RASGRP3: variants seen among roughly 807,000 people sequenced by gnomAD.
RASGRP3 encodes the protein RAS guanyl releasing protein 3.
RASGRP3 carries 54 observed loss-of-function variants against 82.7 expected under a neutral mutation model. The observed-to-expected ratio is 0.65, with a 90% CI of 0.52 to 0.82. RASGRP3 has a LOEUF of 0.82. RASGRP3 is among the 40% of genes least tolerant of loss of function. The pLI is 0.00. For synonymous variants in RASGRP3, 309 were observed against 300.5 expected (o/e 1.03, Z -0.29); for missense variants, 861 against 828.9 (o/e 1.04, Z -0.48).
chr2:33,542,037 T>A (rs1008917215), intron 12 of RASGRP3, among the ~76,000 whole-genome samples: 3 of 146,734 alleles, frequency 2.0e-5, no homozygotes, highest in African/African-American at 7.3e-5. Flanking sequence ...TTCTAGGAGT[T>A]TGAGGCTGCA....
rs376563050 is a variant in RASGRP3, at chr2:33,522,099, C to A, written c.513C>A (p.Ile171=). 2.8e-4 allele frequency: 448 copies of A among 1,601,840 alleles called. No individual in the cohort carries two copies. Among genetic ancestry groups the A allele is most frequent in the Non-Finnish European group, 3.7e-4 (431 of 1,176,960 alleles). Residue 171 remains isoleucine (I), a synonymous_variant, in exon 7 of 18, where the codon ATC becomes ATA. Transcript: ENST00000403687. The part of the protein sequence containing the change: ...TFLEHKSFRR[I]SFTDYQSYVI... ...TGGAGCATAAATCTTTTAGAAGGAT[C>A]TCAGTAAGAAACTTGACATTTATTC...
chr2:33,470,642 G>T (rs1176240867), intron 2 of RASGRP3, among the ~76,000 whole-genome samples: 2 of 152,004 alleles, frequency 1.3e-5, no homozygotes, highest in Non-Finnish European at 2.9e-5. Flanking sequence ...GCCTCCCAAA[G>T]TGCTGGGATT....
intron 1 of RASGRP3, among the ~76,000 whole-genome samples, chr2:33,498,889 A>G (rs531885960): frequency 6.6e-6 from 1 of 151,998 alleles, no homozygotes; most frequent in East Asian, 1.9e-4. Context: ...TACCTCCACC[A>G]TGGTGTTAAT....
chr2:33,510,285 A>G (rs1670806436), intron 1 of RASGRP3, among the ~76,000 whole-genome samples: 2 of 147,606 alleles, frequency 1.4e-5, no homozygotes, highest in Admixed American at 6.6e-5. Context: ...ACATCATTTC[A>G]AAACGATTTG....
In RASGRP3 at chr2:33,539,070, T is replaced by C. The variant is rs758188132; in HGVS notation, c.1162-24T>C. On this transcript the variant is annotated intron_variant, in intron 11 of 17. Transcript: ENST00000403687. ...ATAATAATAATAAAGTTGAAAAATA[T>C]GTGGTTTTTTTTTTGTTTATCAGCA... is the stretch of plus-strand genomic sequence containing the variant. The C allele has an allele frequency of 2.6e-5, 37 of 1,448,016 alleles. No individual in the cohort carries two copies. In the East Asian group the frequency reaches 4.1e-4, roughly 16 times the overall value. 89.7% of individuals were successfully genotyped at this position (1,448,016 alleles called of 1,614,324 possible). A position where few individuals can be genotyped will look rare whatever the true frequency, so the allele number is the denominator to read the frequency against.
chr2:33,472,085 T>C (rs72804206), upstream of RASGRP3, among the ~76,000 whole-genome samples: 28,286 of 152,166 alleles, frequency 0.19, 2,876 homozygotes, highest in South Asian at 0.32. Flanking sequence ...ACTTTTCTTA[T>C]ATTTTTTTCT....
chr2:33,474,791 A>G (rs1047597294), upstream of RASGRP3, among the ~76,000 whole-genome samples: 7 of 152,232 alleles, frequency 4.6e-5, no homozygotes, highest in African/African-American at 1.7e-4. Flanking sequence ...CCATGAACCA[A>G]TTAAACCTCT....
chr2:33,489,832 C>A (rs1366110072), intron 1 of RASGRP3, among the ~76,000 whole-genome samples: 2 of 152,200 alleles, frequency 1.3e-5, no homozygotes, highest in African/African-American at 4.8e-5. Context: ...CCACTGCTCC[C>A]AGTTGACAGA....
At chr2:33,516,666 A>C (rs1239916529) in intron 4 of RASGRP3, 22 bp downstream of exon 4, 12 of 1,418,990 alleles carry the variant, frequency 8.5e-6, no homozygotes, top group Non-Finnish European at 1.1e-5. Context: ...ACTACTGTGT[A>C]ATTTTTACAA....
chr2:33,559,962 G>T (rs997383077), intron 17 of RASGRP3, among the ~76,000 whole-genome samples: 1 of 152,164 alleles, frequency 6.6e-6, no homozygotes, highest in African/African-American at 2.4e-5. Flanking sequence ...CAGTGCATAA[G>T]GAGGCCACCC....
intron 2 of RASGRP3, among the ~76,000 whole-genome samples, chr2:33,514,689 T>A (rs1044815041): frequency 6.6e-6 from 1 of 151,638 alleles, no homozygotes; most frequent in Non-Finnish European, 1.5e-5. Context: ...TGAGACTCTG[T>A]CTCAAAAACA....
chr2:33,514,010 A>T (rs144128099), intron 2 of RASGRP3: 1 of 152,300 alleles, frequency 6.6e-6, no homozygotes, highest in African/African-American at 2.4e-5. Flanking sequence ...TAATAATTGC[A>T]TGGTTTTGGG....
intron 10 of RASGRP3, among the ~76,000 whole-genome samples, chr2:33,529,159 A>T (rs1303695333): frequency 6.6e-6 from 1 of 152,190 alleles, no homozygotes; most frequent in Admixed American, 6.5e-5. Flanking sequence ...ATGTTATGAC[A>T]AAGAAATATT....
At chr2:33,526,287 T>C (rs144958243) in intron 9 of RASGRP3, among the ~76,000 whole-genome samples, 248 of 152,272 alleles carry the variant, frequency 1.6e-3, no homozygotes, top group Non-Finnish European at 2.8e-3. Flanking sequence ...AGGGCTGCTT[T>C]GGAGAGAGCA....
intron 3 of RASGRP3, 26 bp downstream of exon 3, chr2:33,515,232 C>CT: frequency 6.2e-7 from 1 of 1,610,070 alleles, no homozygotes; most frequent in South Asian, 1.1e-5. Flanking sequence ...CCTTTCATCT[C>CT]TTTTGGATCT....
At chr2:33,446,760 C>T (rs1156604682) in intron 1 of RASGRP3, among the ~76,000 whole-genome samples, 1 of 151,758 alleles carries the variant, frequency 6.6e-6, no homozygotes, top group Non-Finnish European at 1.5e-5. Flanking sequence ...TACAAATTTC[C>T]GAGTCAGTTA....
At chr2:33,478,861 G>A (rs1198234199) in intron 1 of RASGRP3, among the ~76,000 whole-genome samples, 2 of 152,134 alleles carry the variant, frequency 1.3e-5, no homozygotes, top group African/African-American at 4.8e-5. Context: ...GCCAAATGAT[G>A]CGCTAAACAA....
chr2:33,536,050 C>A (rs1673570401), intron 11 of RASGRP3, among the ~76,000 whole-genome samples: 1 of 152,074 alleles, frequency 6.6e-6, no homozygotes, highest in Non-Finnish European at 1.5e-5. Context: ...CACCTGTAAT[C>A]CCAGCACTTT....
chr2:33,529,318 C>T (rs58749075), intron 10 of RASGRP3, among the ~76,000 whole-genome samples: 32,276 of 150,700 alleles, frequency 0.21, 3,957 homozygotes, highest in African/African-American at 0.34. Flanking sequence ...CACGGTGAAA[C>T]GCCATCTCTA....
Sources: gnomAD v4.1 joint callset for allele counts (sites outside exome capture counted in the v4.1 genomes callset) on GRCh38, gnomAD v4.1.1 for gene constraint, MANE v1.5 for transcripts, NCBI Gene and HGNC (gene_info 2026-07-23, HGNC 2026-07-21) for gene names.